NRP1: variants seen among roughly 807,000 people sequenced by gnomAD.
NRP1 encodes the protein neuropilin-1.
A neutral mutation model predicts 106.7 loss-of-function variants in NRP1; 35 were observed. That is an observed-to-expected ratio of 0.33 (90% CI 0.25 to 0.43). The LOEUF (loss-of-function observed/expected upper bound fraction) is 0.43, where lower values mean the gene tolerates loss of function less well. NRP1 is among the 20% of genes least tolerant of loss of function. The pLI, the probability that NRP1 is intolerant of heterozygous loss-of-function variation, is 1.00. For synonymous variants in NRP1, 437 were observed against 417.9 expected (o/e 1.05, Z -0.56); for missense variants, 1,024 against 1,170.4 (o/e 0.87, Z 1.83).
intron 6 of NRP1, among the ~76,000 whole-genome samples, chr10:33,233,924 A>G (rs954103087): frequency 2.9e-4 from 44 of 152,192 alleles, no homozygotes; most frequent in African/African-American, 9.4e-4. Context: ...GTGAACATCA[A>G]TGCTATTCTA....
rs188210623 is a variant in NRP1, at chr10:33,319,956, G to T, written c.248+10752C>A. 1.7e-4 allele frequency among the ~76,000 whole-genome samples: 26 copies of T among 151,936 alleles called. 1 individual carries two copies. Among genetic ancestry groups the T allele is most frequent in the South Asian group, 1.7e-3 (8 of 4,796 alleles). The stretch of plus-strand genomic sequence containing the variant: ...CCCCAGTTCCGTTCTTGGTCAGCTA[G>T]ACCGCGAACCCACCGGAAGGAATAA... On this transcript the variant is annotated intron_variant, in intron 2 of 16. Transcript: ENST00000374867.
chr10:33,331,899 G>A (rs975187759), intron 1 of NRP1, among the ~76,000 whole-genome samples: 3 of 152,160 alleles, frequency 2.0e-5, no homozygotes, highest in Non-Finnish European at 4.4e-5. Context: ...AAGAGAAACG[G>A]TATGAAAACA....
At position 33,190,759 on chromosome 10, in the gene NRP1, G is replaced by A. The variant is rs74351446; in HGVS notation, c.2062+1522C>T. Among the ~76,000 whole-genome samples the A allele has an allele frequency of 1.6e-3, 248 of 152,230 alleles. 5 individuals are homozygous for A. In the East Asian group the frequency reaches 0.043, roughly 26 times the overall value. ...GGGTGCAGAAGTTCATGGATTGGGCGTTTGTTGTGAGTGTGTATATGTGTG... is the reference window on the plus strand; with the variant it reads ...GGGTGCAGAAGTTCATGGATTGGGCATTTGTTGTGAGTGTGTATATGTGTG... On this transcript the variant is annotated intron_variant, in intron 13 of 16. Transcript: ENST00000374867.
At chr10:33,266,471 C>T (rs1392213845) in intron 3 of NRP1, among the ~76,000 whole-genome samples, 1 of 150,270 alleles carries the variant, frequency 6.7e-6, no homozygotes, top group Non-Finnish European at 1.5e-5. Context: ...AAAATCTCTT[C>T]CAATTTAAAG....
At chr10:33,284,923 C>T (rs1166295916) in intron 2 of NRP1, among the ~76,000 whole-genome samples, 3 of 152,054 alleles carry the variant, frequency 2.0e-5, no homozygotes, top group East Asian at 3.9e-4. Context: ...TTACTTTGCA[C>T]AAGCACAGAT....
At chr10:33,248,194 G>A (rs1441594577) in intron 6 of NRP1, among the ~76,000 whole-genome samples, 2 of 152,160 alleles carry the variant, frequency 1.3e-5, no homozygotes, top group Non-Finnish European at 2.9e-5. Flanking sequence ...GGAGGCTGAG[G>A]CAGGAGAATC....
At chr10:33,246,764 T>A (rs1841461655) in intron 6 of NRP1, among the ~76,000 whole-genome samples, 1 of 152,256 alleles carries the variant, frequency 6.6e-6, no homozygotes, top group South Asian at 2.1e-4. Context: ...ATCATTTTAA[T>A]GTAATTTTGG....
At chr10:33,256,189 G>C (rs1425989507) in intron 5 of NRP1, 127 bp downstream of exon 5, 32 of 881,790 alleles carry the variant, frequency 3.6e-5, no homozygotes, top group Non-Finnish European at 4.4e-5. Context: ...ATTTAGAAGA[G>C]AAAAACAGAC....
intron 6 of NRP1, among the ~76,000 whole-genome samples, chr10:33,228,602 G>A (rs1412338582): frequency 6.6e-6 from 1 of 152,112 alleles, no homozygotes; most frequent in Non-Finnish European, 1.5e-5. Flanking sequence ...CTTTTTTCCT[G>A]AAGGCGCTTG....
At chr10:33,205,181 A>G (rs938002652) in intron 10 of NRP1, among the ~76,000 whole-genome samples, 1 of 152,246 alleles carries the variant, frequency 6.6e-6, no homozygotes, top group African/African-American at 2.4e-5. Context: ...AGGGCCTGTT[A>G]ACTGATTGAA....
At chr10:33,315,890 G>A (rs187570630) in intron 2 of NRP1, among the ~76,000 whole-genome samples, 1 of 152,190 alleles carries the variant, frequency 6.6e-6, no homozygotes, top group Admixed American at 6.5e-5. Flanking sequence ...GCACAGGCAT[G>A]GGGCTGGGAA....
chr10:33,213,902 C>T, intron 8 of NRP1, 185 bp from the exon 9 acceptor site: 1 of 578,478 alleles, frequency 1.7e-6, no homozygotes, highest in South Asian at 2.4e-5. Flanking sequence ...TGTCAGAATT[C>T]CCGTCTCTAA....
At chr10:33,273,706 T>C (rs1188328076) in intron 2 of NRP1, among the ~76,000 whole-genome samples, 1 of 151,838 alleles carries the variant, frequency 6.6e-6, no homozygotes, top group Non-Finnish European at 1.5e-5. Context: ...TTCCAGCCGC[T>C]GGATGAGAGC....
chr10:33,225,191 T>C (rs1288689154), intron 7 of NRP1, among the ~76,000 whole-genome samples: 1 of 152,204 alleles, frequency 6.6e-6, no homozygotes, highest in Non-Finnish European at 1.5e-5. Context: ...GCCTGCCCTG[T>C]CCGAGAGTGG....
At chr10:33,297,863 A>T (rs1026409054) in intron 2 of NRP1, among the ~76,000 whole-genome samples, 1 of 151,920 alleles carries the variant, frequency 6.6e-6, no homozygotes, top group Admixed American at 6.6e-5. Flanking sequence ...CTACAGTTAG[A>T]TGGGGGTATG....
At chr10:33,244,944 G>T (rs975631656) in intron 6 of NRP1, among the ~76,000 whole-genome samples, 18 of 152,070 alleles carry the variant, frequency 1.2e-4, no homozygotes, top group African/African-American at 4.4e-4. Context: ...AGACCCAATT[G>T]TACAGGCTTC....
At chr10:33,297,377 C>T (rs1193021095) in intron 2 of NRP1, among the ~76,000 whole-genome samples, 3 of 152,256 alleles carry the variant, frequency 2.0e-5, no homozygotes, top group Non-Finnish European at 4.4e-5. Context: ...TATTTCCTAC[C>T]TTATATCTTA....
chr10:33,276,680 G>A (rs1186861723), intron 2 of NRP1, among the ~76,000 whole-genome samples: 1 of 152,120 alleles, frequency 6.6e-6, no homozygotes, highest in African/African-American at 2.4e-5. Context: ...TTTGTGGGGG[G>A]ATGGGTGTGT....
In NRP1 at chr10:33,334,311, G is replaced by A. The variant is rs749190929; in HGVS notation, c.72C>T (p.Asn24=). 162 of 1,541,944 alleles carry A rather than the reference G, an allele frequency of 1.1e-4. 1 individual carries two copies. Among genetic ancestry groups the A allele is most frequent in the Non-Finnish European group, 8.1e-5 (93 of 1,146,224 alleles). Residue 24 remains asparagine (N), a splice_region_variant and synonymous_variant, in exon 1 of 17, where the codon AAC becomes AAT. Transcript: ENST00000374867. ...CCCGCGCCTCTGCCTGTCACTTACC[G>A]TTGCGAAAAGCGCCGGCCGGGGCGA... The part of the protein sequence containing the change: ...LVLAPAGAFR[N]DKCGDTIKIE...
Sources: allele counts gnomAD v4.1 joint callset (sites outside exome capture counted in the v4.1 genomes callset), GRCh38; gene constraint gnomAD v4.1.1; transcripts MANE v1.5; gene names NCBI Gene and HGNC (gene_info 2026-07-23, HGNC 2026-07-21).